Variants in SETD3 observed in about 807,000 individuals in gnomAD.
SETD3 encodes the protein SET domain containing 3, actin N3(tau)-histidine methyltransferase.
Under a neutral mutation model 63.0 loss-of-function variants are expected in SETD3, and 19 were observed. The ratio of observed to expected loss-of-function variants is 0.30; its 90% confidence interval spans 0.21 to 0.44. The LOEUF (loss-of-function observed/expected upper bound fraction) is 0.44, where lower values mean the gene tolerates loss of function less well. Ranked by LOEUF, SETD3 falls within the 20% of genes least tolerant of loss-of-function variation. The pLI is 1.00. For missense variants in SETD3, 587 were observed against 728.5 expected (o/e 0.81, Z 2.24); for synonymous variants, 286 against 264.1 (o/e 1.08, Z -0.80).
chr14:99,464,083 A>G (rs1340192032), intron 2 of SETD3, among the ~76,000 whole-genome samples: 1 of 152,218 alleles, frequency 6.6e-6, no homozygotes, highest in East Asian at 1.9e-4. Context: ...AACATTTCAC[A>G]TCCATGTGTA....
intron 9 of SETD3, 68 bp downstream of exon 9, chr14:99,406,448 T>TA (rs1891686508): frequency 1.2e-5 from 17 of 1,396,484 alleles, no homozygotes; most frequent in Middle Eastern, 1.8e-4. Context: ...TTTTTAAGAT[T>TA]ACCAACACGG....
At chr14:99,409,853 G>A (rs1891883644) in intron 8 of SETD3, 1 of 186,308 alleles carries the variant, frequency 5.4e-6, no homozygotes, top group African/African-American at 2.3e-5. Flanking sequence ...TCCTAGGCAT[G>A]GGGCTTTTAC....
At chr14:99,481,816 A>C (rs915666256), upstream of SETD3, among the ~76,000 whole-genome samples, 2 of 152,244 alleles carry the variant, frequency 1.3e-5, no homozygotes, top group Admixed American at 1.3e-4. Flanking sequence ...TCTCACAGCC[A>C]CAGACTTCTC....
intron 6 of SETD3, among the ~76,000 whole-genome samples, chr14:99,429,816 T>C (rs937141898): frequency 2.5e-4 from 38 of 152,224 alleles, no homozygotes; most frequent in Admixed American, 1.1e-3. Flanking sequence ...AAGTTACTTA[T>C]GAAAATCAAG....
rs1008276632 is a variant in SETD3, at chr14:99,417,115, T to C, written c.676-3181A>G. Among the ~76,000 whole-genome samples, 3 of 152,230 alleles carry C rather than the reference T, an allele frequency of 2.0e-5. No individual in the cohort carries two copies. In the East Asian group the frequency reaches 5.8e-4, roughly 29 times the overall value. ...TATGCTTAAGGAAATTAAAAACCAC[T>C]ACAGTCAGCATATTTGATCCTTATT... On this transcript the variant is annotated intron_variant, in intron 6 of 12. Coordinates refer to ENST00000331768, the MANE Select transcript of SETD3 (RefSeq NM_032233.3).
At chr14:99,454,392 A>C (rs1894637131) in intron 6 of SETD3, among the ~76,000 whole-genome samples, 1 of 152,090 alleles carries the variant, frequency 6.6e-6, no homozygotes, top group Non-Finnish European at 1.5e-5. Flanking sequence ...GCTTGACAGC[A>C]ACTTTGAGCT....
chr14:99,420,532 A>T lies in SETD3; in HGVS notation c.676-6598T>A, dbSNP rs150770405. ...AACCCCAGGGGAATCTGATCTCCAC[A>T]TTCCTCTTCAGAAAGCTCCAGCCCA... On this transcript the variant is annotated intron_variant, in intron 6 of 12. Transcript: ENST00000331768. Among the ~76,000 whole-genome samples, 508 of 152,156 alleles carry T rather than the reference A, an allele frequency of 3.3e-3. 5 individuals carry two copies. The East Asian group carries it at 0.035, about 10-fold the overall frequency.
intron 1 of SETD3, among the ~76,000 whole-genome samples, chr14:99,474,367 C>T (rs775596427): frequency 1.3e-5 from 2 of 151,684 alleles, no homozygotes; most frequent in Admixed American, 6.6e-5. Context: ...AACTGATGTG[C>T]CACAATTCAA....
chr14:99,434,362 T>C (rs1397262643), intron 6 of SETD3, among the ~76,000 whole-genome samples: 1 of 151,834 alleles, frequency 6.6e-6, no homozygotes, highest in Non-Finnish European at 1.5e-5. Context: ...CCAAAGGCCT[T>C]AGAATGAGAA....
At chr14:99,449,778 C>T (rs142427051) in intron 6 of SETD3, among the ~76,000 whole-genome samples, 12 of 152,338 alleles carry the variant, frequency 7.9e-5, no homozygotes, top group African/African-American at 2.9e-4. Flanking sequence ...GATCATTAAA[C>T]TGAAGGCTGT....
Position 99,405,512 on chromosome 14 carries a change from G to T in SETD3, c.925-141C>A, listed in dbSNP as rs559622985. 24 of 939,668 alleles carry T rather than the reference G, an allele frequency of 2.6e-5. 1 individual carries two copies. In the South Asian group the frequency reaches 4.5e-4, roughly 18 times the overall value. 58.2% of individuals were successfully genotyped at this position (939,668 alleles called of 1,614,324 possible). On this transcript the variant is annotated intron_variant, in intron 9 of 12. Transcript: ENST00000331768. ...AGTATTGATACACCTGTTTGGTATA[G>T]GTTGCAAGGGTGAAGCTGTGCAATT...
intron 8 of SETD3, among the ~76,000 whole-genome samples, chr14:99,410,822 C>T (rs1287189413): frequency 6.6e-6 from 1 of 152,164 alleles, no homozygotes; most frequent in Non-Finnish European, 1.5e-5. Flanking sequence ...GTTTCTACTA[C>T]CATAATCAGG....
rs1248148295 is a variant in SETD3, at chr14:99,399,212, A to G, written c.1339-87T>C. The G allele has an allele frequency of 4.3e-5, 52 of 1,200,498 alleles. No homozygotes were observed. In the East Asian group the frequency reaches 1.2e-3, roughly 28 times the overall value. The allele number at this position is 1,200,498 out of a possible 1,614,324, so 74.4% of individuals were successfully genotyped here. On this transcript the variant is annotated intron_variant, in intron 12 of 12. Coordinates refer to ENST00000331768, the MANE Select transcript of SETD3 (RefSeq NM_032233.3). ...GGGCACAACGGCTGGGGATGGGGAC[A>G]TGAGGGAACTTTTTGGGGTGACGGG...
chr14:99,403,490 TTC>T (rs1185224265), intron 11 of SETD3, among the ~76,000 whole-genome samples: 2 of 88,660 alleles, frequency 2.3e-5, no homozygotes, highest in Non-Finnish European at 4.5e-5. Flanking sequence ...CTCTCTCTCT[TTC>T]TCTCTCTTAA....
intron 6 of SETD3, among the ~76,000 whole-genome samples, chr14:99,429,388 A>G (rs1893050878): frequency 6.6e-6 from 1 of 152,212 alleles, no homozygotes; most frequent in Non-Finnish European, 1.5e-5. Context: ...AAGAAAAGAA[A>G]AGTGAAGAAA....
At chr14:99,428,133 A>G (rs542398669) in intron 6 of SETD3, among the ~76,000 whole-genome samples, 2 of 152,318 alleles carry the variant, frequency 1.3e-5, no homozygotes, top group East Asian at 3.9e-4. Flanking sequence ...CCACGGCAGG[A>G]GCATTAGAGT....
chr14:99,422,623 TAG>T (rs2139667642), intron 6 of SETD3, among the ~76,000 whole-genome samples: 2 of 152,272 alleles, frequency 1.3e-5, no homozygotes, highest in African/African-American at 4.8e-5. Context: ...CCCACTGATT[TAG>T]GAGGACTGCC....
chr14:99,406,706 G>T (rs1891702231), intron 8 of SETD3, 116 bp from the exon 9 acceptor site: 1 of 986,708 alleles, frequency 1.0e-6, no homozygotes, highest in Non-Finnish European at 1.6e-6. Flanking sequence ...GTACTCAAAA[G>T]GTGGCATCTG....
intron 6 of SETD3, among the ~76,000 whole-genome samples, chr14:99,448,951 A>G (rs1894296070): frequency 6.6e-6 from 1 of 152,238 alleles, no homozygotes; most frequent in Admixed American, 6.5e-5. Flanking sequence ...AAAACTGCAC[A>G]AGACACATAC....
Sources: gnomAD v4.1 joint callset for allele counts (sites outside exome capture counted in the v4.1 genomes callset) on GRCh38, gnomAD v4.1.1 for gene constraint, MANE v1.5 for transcripts, NCBI Gene and HGNC (gene_info 2026-07-23, HGNC 2026-07-21) for gene names.